Variants in OPHN1 observed in about 807,000 individuals in gnomAD.
OPHN1 encodes the protein oligophrenin-1.
OPHN1 carries 11 observed loss-of-function variants against 60.7 expected under a neutral mutation model. The observed-to-expected ratio is 0.18, with a 90% CI of 0.11 to 0.30. The LOEUF is 0.30. OPHN1 is among the 10% of genes least tolerant of loss of function. The pLI is 1.00. For missense variants in OPHN1, 449 were observed against 611.0 expected (o/e 0.73, Z 2.80); for synonymous variants, 226 against 222.6 (o/e 1.02, Z -0.14).
intron 2 of OPHN1, among the ~76,000 whole-genome samples, chrX:68,379,219 A>G (rs2078580411): frequency 9.0e-6 from 1 of 110,884 alleles, no homozygotes; most frequent in Non-Finnish European, 1.9e-5. Context: ...TTCACTCATG[A>G]TTTGGCTCTC....
chrX:68,371,432 T>C (rs2078528591), intron 2 of OPHN1, among the ~76,000 whole-genome samples: 2 of 110,286 alleles, frequency 1.8e-5, no homozygotes, highest in African/African-American at 6.6e-5. Context: ...CTGCCCACGC[T>C]GGTCTTGAAC....
At chrX:68,404,454 G>A (rs961005101) in intron 2 of OPHN1, among the ~76,000 whole-genome samples, 2 of 111,118 alleles carry the variant, frequency 1.8e-5, no homozygotes, top group African/African-American at 3.3e-5. Context: ...CACTGCGCCT[G>A]GCCAAAACTT....
chrX:68,122,757 T>C (rs187927521), intron 15 of OPHN1, among the ~76,000 whole-genome samples: 2 of 110,014 alleles, frequency 1.8e-5, no homozygotes, highest in African/African-American at 3.3e-5. Context: ...AGCAGAAGAA[T>C]TGATGAGCTT....
At chrX:68,119,507 A>G (rs749240851) in intron 15 of OPHN1, among the ~76,000 whole-genome samples, 175 bp from the exon 16 acceptor site, 29 of 112,170 alleles carry the variant, frequency 2.6e-4, no homozygotes, top group Non-Finnish European at 4.7e-4. Flanking sequence ...GGTCTGCCAT[A>G]TAAGAAATAA....
At chrX:68,322,144 G>A (rs974051602) in intron 2 of OPHN1, among the ~76,000 whole-genome samples, 1 of 109,274 alleles carries the variant, frequency 9.2e-6, no homozygotes, top group Non-Finnish European at 1.9e-5. Flanking sequence ...CTAATTTTTT[G>A]TACTTTTTGT....
intron 19 of OPHN1, among the ~76,000 whole-genome samples, chrX:68,095,364 T>C (rs753595648): frequency 8.0e-5 from 9 of 112,215 alleles, no homozygotes; most frequent in Non-Finnish European, 1.3e-4. Context: ...ATATTGTCTA[T>C]GGCTGTTTTC....
At chrX:68,185,939 C>T (rs187559843) in intron 15 of OPHN1, among the ~76,000 whole-genome samples, 92 of 111,140 alleles carry the variant, frequency 8.3e-4, no homozygotes, top group Admixed American at 3.7e-3. Flanking sequence ...ATATATTCTC[C>T]TTATATGCTT....
At chrX:68,078,544 T>C (rs1464084414) in intron 19 of OPHN1, among the ~76,000 whole-genome samples, 2 of 111,729 alleles carry the variant, frequency 1.8e-5, no homozygotes, top group East Asian at 5.6e-4. Flanking sequence ...GTGAGTGTTA[T>C]TAATGGAGAT....
At chrX:68,344,703 C>A (rs2078370861) in intron 2 of OPHN1, among the ~76,000 whole-genome samples, 1 of 110,559 alleles carries the variant, frequency 9.0e-6, no homozygotes, top group Non-Finnish European at 1.9e-5. Flanking sequence ...AGTGAGACAC[C>A]CCCTACAAAA....
intron 2 of OPHN1, among the ~76,000 whole-genome samples, chrX:68,322,893 GAGAAAAA>G (rs775106949): frequency 4.1e-4 from 45 of 110,789 alleles, no homozygotes; most frequent in Non-Finnish European, 6.4e-4. Flanking sequence ...AAATTATGCT[GAGAAAAA>G]AGAAAAAAAA....
At chrX:68,071,372 T>G in intron 20 of OPHN1, 2 of 713,028 alleles carry the variant, frequency 2.8e-6, no homozygotes, top group Non-Finnish European at 4.5e-6. Flanking sequence ...TCCCAGAGTT[T>G]TCCCTTCCCT....
At position 68,433,485 on chromosome X, in the gene OPHN1, A is replaced by C; in HGVS notation, c.-322T>G. 7.4e-6 allele frequency: 2 copies of C among 270,278 alleles called. No homozygotes were observed. The highest frequency in any genetic ancestry group is 2.4e-4 in the South Asian group (1 of 4,255). 22.3% of individuals were successfully genotyped at this position (270,278 alleles called of 1,213,427 possible). On this transcript the variant is annotated 5_prime_UTR_variant, in exon 1 of 25. Transcript: ENST00000355520. Reference sequence around the variant, plus strand: ...AGGCTCCTCGCTCCGGAGCGAGCGGAAGACTTCCTTGGCCGAACTCCGCGG... The same window carrying C: ...AGGCTCCTCGCTCCGGAGCGAGCGGCAGACTTCCTTGGCCGAACTCCGCGG...
intron 2 of OPHN1, among the ~76,000 whole-genome samples, chrX:68,332,060 T>C (rs1347231854): frequency 9.2e-6 from 1 of 108,279 alleles, no homozygotes; most frequent in African/African-American, 3.5e-5. Flanking sequence ...AATAAATAAA[T>C]AAGAAAAAAG....
intron 15 of OPHN1, among the ~76,000 whole-genome samples, chrX:68,172,044 T>C (rs1478270800): frequency 9.0e-6 from 1 of 111,667 alleles, no homozygotes; most frequent in Non-Finnish European, 1.9e-5. Flanking sequence ...GTGCAGTCAT[T>C]TTGGAACAGT....
At chrX:68,412,773 G>A (rs752974311) in intron 2 of OPHN1, among the ~76,000 whole-genome samples, 12 of 111,732 alleles carry the variant, frequency 1.1e-4, no homozygotes, top group Non-Finnish European at 1.7e-4. Context: ...AGAAGAACTT[G>A]CCTAAAATGG....
Position 68,400,572 on chromosome X carries a change from C to T in OPHN1, c.154+32295G>A, listed in dbSNP as rs891827501. On this transcript the variant is annotated intron_variant, in intron 2 of 24. Coordinates refer to ENST00000355520, the MANE Select transcript of OPHN1 (RefSeq NM_002547.3). ...GGGAAAAGCGAAGGGGAAGCAGGCA[C>T]GTCTTTCTTCTCTCTTTTTTTTCTT... Among the ~76,000 whole-genome samples, 4 of 109,484 alleles carry T rather than the reference C, an allele frequency of 3.7e-5. No individual in the cohort carries two copies. In the East Asian group the frequency reaches 1.2e-3, roughly 32 times the overall value.
In OPHN1 at chrX:68,053,759, A is replaced by G. The variant is rs1428838601; in HGVS notation, c.2210T>C (p.Ile737Thr). 1 of 1,208,452 alleles carries G rather than the reference A, an allele frequency of 8.3e-7. No homozygotes were observed. The highest frequency in any genetic ancestry group is 1.1e-6 in the Non-Finnish European group (1 of 894,891). Residue 737 changes from isoleucine to threonine, a missense_variant, in exon 22 of 25, where the codon ATC becomes ACC. This residue lies in a region of OPHN1 where 184 missense variants were observed against 160.5 expected (regional missense o/e 1.15). Coordinates refer to ENST00000355520, the MANE Select transcript of OPHN1 (RefSeq NM_002547.3). ...KVRPPGEKPT[I>T]IRPPVRPPDP... ...TGGGGGCCTCACTGGGGGGCGGATG[A>G]TGGTTGGCTTTTCTCCTGGAGGCCG...
At chrX:68,106,184 C>G (rs1324333255) in intron 18 of OPHN1, among the ~76,000 whole-genome samples, 1 of 96,484 alleles carries the variant, frequency 1.0e-5, no homozygotes, top group Admixed American at 1.1e-4. Context: ...GAATAGAAAG[C>G]TTTTCCTTTT....
In OPHN1 at chrX:68,206,553, T is replaced by C. The variant is rs980174256; in HGVS notation, c.933+20A>G. On this transcript the variant is annotated intron_variant, in intron 10 of 24. Transcript: ENST00000355520. Reference sequence around the variant, plus strand: ...AGTCATAGATCCATTTCCAAAAATATGGTGCAAACAAGAACTGACCTGCTT... The same window carrying C: ...AGTCATAGATCCATTTCCAAAAATACGGTGCAAACAAGAACTGACCTGCTT... 88 of 1,134,868 alleles carry C rather than the reference T, an allele frequency of 7.8e-5. No homozygotes were observed. The highest frequency in any genetic ancestry group is 9.7e-5 in the Non-Finnish European group (80 of 826,571). 93.5% of individuals were successfully genotyped at this position (1,134,868 alleles called of 1,213,427 possible). A position where few individuals can be genotyped will look rare whatever the true frequency, so the allele number is the denominator to read the frequency against.
Sources: allele counts gnomAD v4.1 joint callset (sites outside exome capture counted in the v4.1 genomes callset), GRCh38; gene constraint gnomAD v4.1.1; regional missense constraint gnomAD v4.1.1; transcripts MANE v1.5; gene names NCBI Gene and HGNC (gene_info 2026-07-23, HGNC 2026-07-21).